The following EPHB1 variants were observed in gnomAD, a reference collection of about 807,000 sequenced individuals.
The protein encoded by EPHB1 is EPH receptor B1.
A neutral mutation model predicts 94.4 loss-of-function variants in EPHB1; 30 were observed. That is an observed-to-expected ratio of 0.32 (90% CI 0.24 to 0.43). The LOEUF (loss-of-function observed/expected upper bound fraction) is 0.43. EPHB1 is among the 20% of genes least tolerant of loss of function. The pLI is 1.00. For synonymous variants in EPHB1, 522 were observed against 489.1 expected, an observed-to-expected ratio of 1.07 and a Z score of -0.89; for missense variants, 1,055 against 1,308.3, an observed-to-expected ratio of 0.81 and a Z score of 2.99.
intron 5 of EPHB1, among the ~76,000 whole-genome samples, chr3:135,149,079 AT>A (rs1941108645): frequency 6.6e-6 from 1 of 152,248 alleles, no homozygotes; most frequent in Non-Finnish European, 1.5e-5. Context: ...CTTTGATTCC[AT>A]TTGGATTTAC....
chr3:134,854,614 A>C (rs751363622), intron 1 of EPHB1, among the ~76,000 whole-genome samples: 1 of 152,094 alleles, frequency 6.6e-6, no homozygotes, highest in African/African-American at 2.4e-5. Context: ...CTTCCATAGC[A>C]GGGACAGCCA....
chr3:135,168,653 C>G (rs190756163), intron 9 of EPHB1, among the ~76,000 whole-genome samples: 1 of 152,178 alleles, frequency 6.6e-6, no homozygotes, highest in East Asian at 1.9e-4. Context: ...GGGCGACCTT[C>G]GTCTCCCTGC....
chr3:135,052,083 A>T (rs925141533), intron 3 of EPHB1, among the ~76,000 whole-genome samples: 7 of 152,224 alleles, frequency 4.6e-5, no homozygotes, highest in Non-Finnish European at 7.3e-5. Flanking sequence ...TGTCCTAGGA[A>T]AGCAAGATTT....
At chr3:134,907,140 C>T (rs1304268359) in intron 1 of EPHB1, among the ~76,000 whole-genome samples, 1 of 152,146 alleles carries the variant, frequency 6.6e-6, no homozygotes, top group East Asian at 1.9e-4. Context: ...TTCAAATTAA[C>T]GTGGGAAACA....
intron 12 of EPHB1, among the ~76,000 whole-genome samples, chr3:135,212,453 C>G (rs559424055): frequency 2.7e-4 from 41 of 152,218 alleles, no homozygotes; most frequent in Middle Eastern, 3.4e-3. Context: ...TTTGGTTTAG[C>G]AGGAAATTAA....
chr3:134,941,003 C>G (rs2039104652), intron 2 of EPHB1, among the ~76,000 whole-genome samples: 1 of 152,202 alleles, frequency 6.6e-6, no homozygotes, highest in South Asian at 2.1e-4. Flanking sequence ...TCAATTATTT[C>G]TATTCCTGTC....
intron 1 of EPHB1, among the ~76,000 whole-genome samples, chr3:134,848,976 C>T (rs2036925683): frequency 6.6e-6 from 1 of 152,206 alleles, no homozygotes; most frequent in African/African-American, 2.4e-5. Flanking sequence ...TGCCAAAAGG[C>T]AGGCAAGACT....
At chr3:135,129,798 G>C (rs1394475723) in intron 4 of EPHB1, among the ~76,000 whole-genome samples, 1 of 152,206 alleles carries the variant, frequency 6.6e-6, no homozygotes, top group African/African-American at 2.4e-5. Flanking sequence ...GAGTGAGCAG[G>C]AGTTCAAGTT....
At chr3:135,152,669 G>A (rs1289772090) in intron 5 of EPHB1, among the ~76,000 whole-genome samples, 5 of 146,426 alleles carry the variant, frequency 3.4e-5, no homozygotes, top group African/African-American at 1.4e-4. Flanking sequence ...AAAGGCCACT[G>A]GGGAGTCTCT....
intron 3 of EPHB1, among the ~76,000 whole-genome samples, chr3:135,011,210 T>C (rs1380238809): frequency 6.6e-6 from 1 of 152,212 alleles, no homozygotes; most frequent in African/African-American, 2.4e-5. Flanking sequence ...GCATTGAACG[T>C]GGTCAGCTGA....
chr3:135,069,113 T>C (rs1427972935), intron 3 of EPHB1, among the ~76,000 whole-genome samples: 1 of 151,114 alleles, frequency 6.6e-6, no homozygotes, highest in African/African-American at 2.4e-5. Flanking sequence ...GTGTCATATC[T>C]AAGAAGCCGC....
intron 12 of EPHB1, among the ~76,000 whole-genome samples, chr3:135,227,261 T>A (rs971307400): frequency 1.3e-5 from 2 of 152,092 alleles, no homozygotes; most frequent in African/African-American, 4.8e-5. Flanking sequence ...TAAAATAAAA[T>A]CTGCAATTTA....
intron 10 of EPHB1, among the ~76,000 whole-genome samples, chr3:135,187,053 A>C (rs1444963850): frequency 1.3e-5 from 2 of 152,212 alleles, no homozygotes; most frequent in Non-Finnish European, 2.9e-5. Flanking sequence ...TACTGATGCT[A>C]CTGGTCAAGA....
intron 3 of EPHB1, among the ~76,000 whole-genome samples, chr3:134,999,496 G>C (rs1935106035): frequency 6.6e-6 from 1 of 152,200 alleles, no homozygotes; most frequent in South Asian, 2.1e-4. Context: ...CCCAAGCAAG[G>C]AAAGTGCAGG....
intron 3 of EPHB1, among the ~76,000 whole-genome samples, chr3:134,969,892 A>G (rs1933901607): frequency 6.6e-6 from 1 of 152,180 alleles, no homozygotes. Context: ...CTGAACCCTC[A>G]GTGCAGTCTA....
intron 1 of EPHB1, among the ~76,000 whole-genome samples, chr3:134,817,142 A>T (rs944902243): frequency 2.0e-5 from 3 of 151,852 alleles, no homozygotes; most frequent in African/African-American, 4.8e-5. Flanking sequence ...TTTTTTTTTT[A>T]AATCAAATTC....
intron 3 of EPHB1, among the ~76,000 whole-genome samples, chr3:135,030,041 C>T (rs530379396): frequency 6.6e-6 from 1 of 151,344 alleles, no homozygotes; most frequent in South Asian, 2.1e-4. Flanking sequence ...CTGCATTCTT[C>T]ACGTAGTTCT....
intron 1 of EPHB1, among the ~76,000 whole-genome samples, chr3:134,858,149 CCATCATCATCATCATCATCAT>C (rs71139558): frequency 1.3e-5 from 2 of 148,310 alleles, no homozygotes; most frequent in African/African-American, 5.0e-5. Context: ...TTTTATTGTT[CCATCATCATCATCATCATCAT>C]CATCATCATC....
intron 3 of EPHB1, among the ~76,000 whole-genome samples, chr3:135,091,693 A>T (rs1423546149): frequency 6.6e-6 from 1 of 152,236 alleles, no homozygotes; most frequent in Non-Finnish European, 1.5e-5. Flanking sequence ...TTGCCTCGTC[A>T]GAGTTTGGAG....
Sources: allele counts gnomAD v4.1 joint callset (sites outside exome capture counted in the v4.1 genomes callset), GRCh38; gene constraint gnomAD v4.1.1; transcripts MANE v1.5; gene names NCBI Gene and HGNC (gene_info 2026-07-23, HGNC 2026-07-21).